Variants in L2HGDH observed in about 807,000 individuals in gnomAD.
The protein encoded by L2HGDH is L-2-hydroxyglutarate dehydrogenase, also known as L-2-hydroxyglutarate dehydrogenase, mitochondrial.
In L2HGDH, 34 loss-of-function variants were observed where a neutral mutation model predicts 51.5. The ratio of observed to expected loss-of-function variants is 0.66; its 90% CI spans 0.50 to 0.88. The LOEUF (loss-of-function observed/expected upper bound fraction) is 0.88. Ranked by LOEUF, L2HGDH falls within the 40% of genes least tolerant of loss-of-function variation. The pLI, the probability that L2HGDH is intolerant of heterozygous loss-of-function variation, is 0.00. For synonymous variants in L2HGDH, 198 were observed against 197.9 expected, an observed-to-expected ratio of 1.00 and a Z score of -0.01; for missense variants, 558 against 571.9, an observed-to-expected ratio of 0.98 and a Z score of 0.25.
chr14:50,266,687 T>C (rs1889354307), intron 8 of L2HGDH, among the ~76,000 whole-genome samples: 3 of 152,322 alleles, frequency 2.0e-5, no homozygotes, highest in Admixed American at 1.3e-4. Flanking sequence ...GATGCACATA[T>C]GTATATATTT....
chr14:50,245,669 G>T lies in L2HGDH; in HGVS notation c.*1389C>A. Reference sequence around the variant, plus strand: ...AAAAGAATGTAACCTACAATATAATGTATTTTCTTGTCTATGAGAGACCAA... The same window carrying T: ...AAAAGAATGTAACCTACAATATAATTTATTTTCTTGTCTATGAGAGACCAA... On this transcript the variant is annotated 3_prime_UTR_variant, in exon 10 of 10. Coordinates refer to ENST00000267436, the MANE Select transcript of L2HGDH (RefSeq NM_024884.3). The T allele has an allele frequency of 1.0e-6, 1 of 982,758 alleles. No homozygotes were observed. The highest frequency in any genetic ancestry group is 1.2e-6 in the Non-Finnish European group (1 of 827,592). 60.9% of individuals were successfully genotyped at this position (982,758 alleles called of 1,614,324 possible).
chr14:50,244,062 T>C lies in L2HGDH; in HGVS notation c.*2996A>G, dbSNP rs892917781. 3.3e-5 allele frequency: 5 copies of C among 151,908 alleles called. No individual in the cohort carries two copies. Among genetic ancestry groups the C allele is most frequent in the Admixed American group, 2.0e-4 (3 of 15,236 alleles). 9.4% of individuals were successfully genotyped at this position (151,908 alleles called of 1,614,324 possible). On this transcript the variant is annotated 3_prime_UTR_variant, in exon 10 of 10. Coordinates refer to ENST00000267436, the MANE Select transcript of L2HGDH (RefSeq NM_024884.3). ...ATTCCATGGTGTATATGTGCCACAT[T>C]TTCTTAATCCAGTCTATCGTTGTTG...
At chr14:50,256,529 A>AT (rs1231937226) in intron 9 of L2HGDH, among the ~76,000 whole-genome samples, 1 of 152,054 alleles carries the variant, frequency 6.6e-6, no homozygotes, top group Non-Finnish European at 1.5e-5. Flanking sequence ...AAAAAAAAAA[A>AT]AAAAATTAAA....
At chr14:50,269,032 C>A (rs1889512699) in intron 7 of L2HGDH, 131 bp downstream of exon 7, 8 of 661,980 alleles carry the variant, frequency 1.2e-5, no homozygotes, top group South Asian at 9.7e-5. Flanking sequence ...ACAAGAGAAA[C>A]CGATGAAATG....
chr14:50,242,848 T>C lies in L2HGDH; in HGVS notation c.*4210A>G, dbSNP rs114140881. Reference sequence around the variant, plus strand: ...TGAGGAAACCTCTGACCAAGAAGTCTAGACACAGATTAAGGGCCCAGGAGG... The same window carrying C: ...TGAGGAAACCTCTGACCAAGAAGTCCAGACACAGATTAAGGGCCCAGGAGG... On this transcript the variant is annotated 3_prime_UTR_variant, in exon 10 of 10. Coordinates refer to ENST00000267436, the MANE Select transcript of L2HGDH (RefSeq NM_024884.3). 1.5e-3 allele frequency: 1,508 copies of C among 985,428 alleles called. 14 individuals are homozygous for C. The African/African-American group carries it at 0.025, about 16-fold the overall frequency. 61.0% of individuals were successfully genotyped at this position (985,428 alleles called of 1,614,324 possible).
At chr14:50,303,188 C>T (rs567196353) in intron 1 of L2HGDH, among the ~76,000 whole-genome samples, 171 bp from the exon 2 acceptor site, 74 of 152,266 alleles carry the variant, frequency 4.9e-4, no homozygotes, top group Admixed American at 1.5e-3. Context: ...CTTTGAGTGG[C>T]CGAGGGGGGC....
chr14:50,277,572 G>A (rs1349913294), intron 6 of L2HGDH, among the ~76,000 whole-genome samples: 7 of 151,722 alleles, frequency 4.6e-5, no homozygotes, highest in African/African-American at 1.2e-4. Context: ...TCAGGAGATC[G>A]AGACCATCCT....
intron 5 of L2HGDH, among the ~76,000 whole-genome samples, chr14:50,281,288 G>A (rs1313647409): frequency 6.6e-6 from 1 of 152,068 alleles, no homozygotes; most frequent in African/African-American, 2.4e-5. Context: ...CTCCTTTCCA[G>A]CAGTATAATA....
chr14:50,302,436 T>C (rs2030465534), intron 2 of L2HGDH, among the ~76,000 whole-genome samples: 1 of 152,190 alleles, frequency 6.6e-6, no homozygotes, highest in Non-Finnish European at 1.5e-5. Context: ...TAGGGCTCTT[T>C]GCACTCTGCC....
chr14:50,311,275 A>G (rs2031147986), intron 1 of L2HGDH: 1 of 451,526 alleles, frequency 2.2e-6, no homozygotes, highest in South Asian at 1.6e-5. Flanking sequence ...ACGTGTGGTT[A>G]AAATAAACTA....
chr14:50,305,500 C>G (rs1037873668), intron 1 of L2HGDH, among the ~76,000 whole-genome samples: 2 of 152,178 alleles, frequency 1.3e-5, no homozygotes, highest in African/African-American at 4.8e-5. Context: ...GTAAAGCATT[C>G]ACATTCCACT....
intron 4 of L2HGDH, chr14:50,293,273 C>G: frequency 2.8e-6 from 2 of 702,238 alleles, no homozygotes; most frequent in South Asian, 3.0e-5. Flanking sequence ...GATGCTGACA[C>G]AACTGGATAT....
chr14:50,276,857 A>G (rs1217422835), intron 6 of L2HGDH, among the ~76,000 whole-genome samples: 1 of 152,148 alleles, frequency 6.6e-6, no homozygotes, highest in African/African-American at 2.4e-5. Flanking sequence ...GGGTTTCTCA[A>G]CCTCAGTACT....
intron 6 of L2HGDH, among the ~76,000 whole-genome samples, chr14:50,270,926 A>G (rs1025254335): frequency 1.3e-5 from 2 of 152,244 alleles, no homozygotes; most frequent in East Asian, 1.9e-4. Flanking sequence ...TAGTTTTTAC[A>G]AAAATTAGAT....
At chr14:50,294,923 T>C (rs1430630666) in intron 3 of L2HGDH, among the ~76,000 whole-genome samples, 4 of 152,194 alleles carry the variant, frequency 2.6e-5, no homozygotes, top group Non-Finnish European at 4.4e-5. Flanking sequence ...CAAGTCATTA[T>C]TTCATACCAA....
chr14:50,311,921 G>A (rs749712546), intron 1 of L2HGDH, 90 bp downstream of exon 1: 1 of 1,510,012 alleles, frequency 6.6e-7, no homozygotes, highest in East Asian at 2.5e-5. Flanking sequence ...CCCCGGGACA[G>A]GGAAATACGA....
At chr14:50,297,575 G>A (rs1198802794) in intron 3 of L2HGDH, among the ~76,000 whole-genome samples, 1 of 152,148 alleles carries the variant, frequency 6.6e-6, no homozygotes, top group African/African-American at 2.4e-5. Flanking sequence ...GGACCTAACA[G>A]ATATTTACAG....
intron 8 of L2HGDH, 93 bp from the exon 9 acceptor site, chr14:50,265,582 C>T: frequency 8.5e-7 from 1 of 1,182,140 alleles, no homozygotes; most frequent in Non-Finnish European, 1.2e-6. Context: ...TTTATGTCAT[C>T]ACAAAAATCT....
intron 8 of L2HGDH, among the ~76,000 whole-genome samples, chr14:50,266,389 T>A (rs1024053985): frequency 1.3e-5 from 2 of 152,144 alleles, no homozygotes; most frequent in Admixed American, 6.5e-5. Flanking sequence ...ATGCCTGTAA[T>A]CCCAGCACTT....
Sources: allele counts gnomAD v4.1 joint callset (sites outside exome capture counted in the v4.1 genomes callset), GRCh38; gene constraint gnomAD v4.1.1; transcripts MANE v1.5; gene names NCBI Gene and HGNC (gene_info 2026-07-23, HGNC 2026-07-21).